Variants in NUP133 observed in about 807,000 individuals in gnomAD.
The protein encoded by NUP133 is nucleoporin 133.
Under a neutral mutation model 146.2 loss-of-function variants are expected in NUP133, and 66 were observed. The observed-to-expected ratio is 0.45, with a 90% CI of 0.37 to 0.55. NUP133 has a LOEUF of 0.55. Ranked by LOEUF, NUP133 falls within the 20% of genes least tolerant of loss-of-function variation. The probability of loss-of-function intolerance (pLI) is 0.00; values close to 1 mark genes in which losing one functional copy is unlikely to be tolerated. For missense variants in NUP133, 1,277 were observed against 1,374.8 expected, an observed-to-expected ratio of 0.93 and a Z score of 1.12; for synonymous variants, 521 against 498.8, an observed-to-expected ratio of 1.04 and a Z score of -0.59.
Position 229,483,758 on chromosome 1 carries a change from G to A in NUP133, c.1592+296C>T, listed in dbSNP as rs542892637. 7.4e-5 allele frequency among the ~76,000 whole-genome samples: 11 copies of A among 148,398 alleles called. No homozygotes were observed. In the East Asian group the frequency reaches 7.9e-4, roughly 11 times the overall value. ...ACTTATTTGCACCTTAACGTTATAC[G>A]TAAAAGACCCTTGCAAGATGTCTTC... On this transcript the variant is annotated intron_variant, in intron 12 of 25. Coordinates refer to ENST00000261396, the MANE Select transcript of NUP133 (RefSeq NM_018230.3).
At chr1:229,503,684 A>G (rs564197429) in intron 2 of NUP133, among the ~76,000 whole-genome samples, 26 of 152,240 alleles carry the variant, frequency 1.7e-4, no homozygotes, top group Non-Finnish European at 2.4e-4. Context: ...TTTTTGCTCA[A>G]CTGAACTATC....
In NUP133 at chr1:229,495,923, G is replaced by A; in HGVS notation, c.944C>T (p.Ala315Val). Residue 315 changes from alanine to valine, a missense_variant, in exon 7 of 26, where the codon GCC (alanine) becomes GTC (valine). Coordinates refer to ENST00000261396, the MANE Select transcript of NUP133 (RefSeq NM_018230.3). Reference sequence around the variant, plus strand: ...AGCATCGGTAATGTTTTCCTTCAGGGCTCTATTTATATCCCAACTGTATGC... The same window carrying A: ...AGCATCGGTAATGTTTTCCTTCAGGACTCTATTTATATCCCAACTGTATGC... ...KHAYSWDINRALKENITDAIW... is the reference protein window; with the variant it reads ...KHAYSWDINRVLKENITDAIW... 6.2e-7 allele frequency: 1 copy of A among 1,602,238 alleles called. No individual in the cohort carries two copies. The highest frequency in any genetic ancestry group is 1.1e-5 in the South Asian group (1 of 88,404).
At chr1:229,462,972 A>G (rs1660726185) in intron 19 of NUP133, among the ~76,000 whole-genome samples, 1 of 152,232 alleles carries the variant, frequency 6.6e-6, no homozygotes, top group Non-Finnish European at 1.5e-5. Context: ...TCTTCTATAC[A>G]ATTTTTAAGA....
At position 229,470,637 on chromosome 1, in the gene NUP133, G is replaced by T. The variant is rs1440427835; in HGVS notation, c.2019C>A (p.Asn673Lys). The T allele has an allele frequency of 3.7e-6, 6 of 1,614,180 alleles. No individual in the cohort carries two copies. The highest frequency in any genetic ancestry group is 5.1e-6 in the Non-Finnish European group (6 of 1,180,044). The change falls in exon 15 of 26, where the codon AAC becomes AAA. Residue 673 changes from asparagine to lysine, a missense_variant. Physicochemically the swap from Asn to Lys is moderately conservative, Grantham distance 94. Coordinates refer to ENST00000261396, the MANE Select transcript of NUP133 (RefSeq NM_018230.3). ...TGGATGGGATTTCATACTCCCTCTT[G>T]TTCAAAGCAATCAATATGGCTGTGT... ...LVNTAILIALNKREYEIPSNL... is the reference protein window; with the variant it reads ...LVNTAILIALKKREYEIPSNL...
intron 22 of NUP133, 136 bp from the exon 23 acceptor site, chr1:229,450,741 T>TG: frequency 1.5e-5 from 7 of 472,044 alleles, no homozygotes; most frequent in East Asian, 3.8e-5. Context: ...GTTTGTTTTT[T>TG]TTGAGACAAA....
chr1:229,488,725 C>A (rs753155946), intron 9 of NUP133, among the ~76,000 whole-genome samples: 1 of 151,736 alleles, frequency 6.6e-6, no homozygotes, highest in African/African-American at 2.4e-5. Context: ...GTGGTGCACA[C>A]CTGTAATCCC....
chr1:229,470,513 C>G, intron 15 of NUP133, 67 bp downstream of exon 15: 1 of 1,306,730 alleles, frequency 7.7e-7, no homozygotes, highest in Non-Finnish European at 1.1e-6. Flanking sequence ...CACCGTCTTT[C>G]CTGCCTAGGG....
chr1:229,468,622 C>T (rs1456465253), intron 15 of NUP133, among the ~76,000 whole-genome samples: 1 of 152,202 alleles, frequency 6.6e-6, no homozygotes, highest in Non-Finnish European at 1.5e-5. Context: ...ATTCAGCTAA[C>T]TGAAACATGT....
chr1:229,462,190 C>A (rs1210471405), intron 19 of NUP133, among the ~76,000 whole-genome samples: 3 of 152,148 alleles, frequency 2.0e-5, no homozygotes, highest in Non-Finnish European at 2.9e-5. Context: ...AGCCCAACAA[C>A]TGATCTTTGA....
At chr1:229,461,379 C>A (rs1660686335) in intron 19 of NUP133, among the ~76,000 whole-genome samples, 1 of 152,154 alleles carries the variant, frequency 6.6e-6, no homozygotes, top group South Asian at 2.1e-4. Flanking sequence ...TACAGTCTCA[C>A]AGTGTTTAAG....
chr1:229,477,727 A>T lies in NUP133; in HGVS notation c.1626T>A (p.Asp542Glu). Residue 542 changes from aspartate (D) to glutamate (E), a missense_variant, in exon 13 of 26, where the codon GAT (aspartate) becomes GAA (glutamate). By Grantham distance (45) the Asp-to-Glu change is conservative. Coordinates refer to ENST00000261396, the MANE Select transcript of NUP133 (RefSeq NM_018230.3). ...KDLGHAQMVV[D>E]ELFSSHSDLD... ...AATCAGAGTGAGAGGAAAAGAGCTC[A>T]TCAACCACCATTTGAGCATGACCTA... 6.2e-7 allele frequency: 1 copy of T among 1,613,952 alleles called. No individual in the cohort carries two copies. Among genetic ancestry groups the T allele is most frequent in the African/African-American group, 1.3e-5 (1 of 75,046 alleles).
intron 12 of NUP133, 86 bp downstream of exon 12, chr1:229,483,968 T>A (rs965182147): frequency 1.6e-4 from 135 of 865,068 alleles, no homozygotes; most frequent in Non-Finnish European, 2.4e-4. Context: ...TCCTCCAACT[T>A]GCTCCCACCA....
In NUP133 at chr1:229,452,569, T is replaced by G; in HGVS notation, c.3055A>C (p.Asn1019His). ...PEQLLAEKQL[N>H]LSAMPVLTAP... is the part of the protein sequence containing the mutation. ...GTCAATACTGGCATCGCACTGAGAT[T>G]TAGCTGTTTCTCCGCCAGCAGCTGT... Residue 1019 changes from asparagine (N) to histidine (H), a missense_variant, in exon 22 of 26, where the codon AAT (asparagine) becomes CAT (histidine). By Grantham distance (68) the Asn-to-His change is moderately conservative. This residue lies in a region of NUP133 where 952 missense variants were observed against 1,047.0 expected (regional missense o/e 0.91). Coordinates refer to ENST00000261396, the MANE Select transcript of NUP133 (RefSeq NM_018230.3). The G allele has an allele frequency of 6.2e-7, 1 of 1,613,998 alleles. No individual in the cohort carries two copies. The highest frequency in any genetic ancestry group is 8.5e-7 in the Non-Finnish European group (1 of 1,179,904).
At position 229,508,140 on chromosome 1, in the gene NUP133, A is replaced by C. The variant is rs1226797727; in HGVS notation, c.110T>G (p.Leu37Arg). 6.3e-7 allele frequency: 1 copy of C among 1,597,164 alleles called. No homozygotes were observed. Among genetic ancestry groups the C allele is most frequent in the Non-Finnish European group, 8.5e-7 (1 of 1,173,346 alleles). Residue 37 changes from leucine to arginine, a missense_variant, in exon 1 of 26, where the codon CTG (leucine) becomes CGG (arginine). This residue lies in a region of NUP133 where 319 missense variants were observed against 306.9 expected (regional missense o/e 1.04). Transcript: ENST00000261396. ...GGAGCTGACTGCAGACCCCAGGGGC[A>C]GACCCTTCCTGCTAGCCGTCCGGGG... is the stretch of plus-strand genomic sequence containing the variant. ...STPRTASRKG[L>R]PLGSAVSSPV... is the part of the protein sequence containing the mutation.
At chr1:229,442,461 G>C (rs1306378332) in intron 25 of NUP133, among the ~76,000 whole-genome samples, 2 of 152,140 alleles carry the variant, frequency 1.3e-5, no homozygotes, top group Middle Eastern at 3.2e-3. Context: ...ATAGGCAAAA[G>C]AATCATTTCT....
chr1:229,450,610 G>C lies in NUP133; in HGVS notation c.3100-5C>G. Reference sequence around the variant, plus strand: ...ATTTTCTTCACAGATATATAGCTATGACAAGTTAAAATAAGGTAGAAGATT... The same window carrying C: ...ATTTTCTTCACAGATATATAGCTATCACAAGTTAAAATAAGGTAGAAGATT... On this transcript the variant is annotated splice_region_variant and splice_polypyrimidine_tract_variant and intron_variant, in intron 22 of 25. Transcript: ENST00000261396. The C allele has an allele frequency of 9.6e-6, 14 of 1,453,850 alleles. No homozygotes were observed. Among genetic ancestry groups the C allele is most frequent in the Non-Finnish European group, 1.3e-5 (14 of 1,051,368 alleles). The allele number at this position is 1,453,850 out of a possible 1,614,324, so 90.1% of individuals were successfully genotyped here.
At position 229,441,520 on chromosome 1, in the gene NUP133, A is replaced by G; in HGVS notation, c.*384T>C. On this transcript the variant is annotated 3_prime_UTR_variant, in exon 26 of 26. Coordinates refer to ENST00000261396, the MANE Select transcript of NUP133 (RefSeq NM_018230.3). ...ATTCTCTTCAGTGCAAAGTATCTGG[A>G]GTCACAGCAATTTTAGAGACAAGCT... The G allele has an allele frequency of 2.0e-6, 1 of 509,570 alleles. No homozygotes were observed. Among genetic ancestry groups the G allele is most frequent in the Admixed American group, 2.1e-5 (1 of 46,970 alleles). The allele number at this position is 509,570 out of a possible 1,614,324, so 31.6% of individuals were successfully genotyped here.
intron 6 of NUP133, 82 bp from the exon 7 acceptor site, chr1:229,496,129 CAT>C: frequency 3.7e-6 from 4 of 1,068,794 alleles, no homozygotes; most frequent in Non-Finnish European, 5.1e-6. Context: ...TCAAATTTCA[CAT>C]ATGTGATTAG....
intron 22 of NUP133, among the ~76,000 whole-genome samples, chr1:229,451,914 T>C (rs537881308): frequency 6.6e-6 from 1 of 152,318 alleles, no homozygotes; most frequent in Admixed American, 6.5e-5. Flanking sequence ...ATTAAATATA[T>C]ATTCTATCAG....
Sources: allele counts gnomAD v4.1 joint callset (sites outside exome capture counted in the v4.1 genomes callset), GRCh38; gene constraint gnomAD v4.1.1; regional missense constraint gnomAD v4.1.1; transcripts MANE v1.5; gene names NCBI Gene and HGNC (gene_info 2026-07-23, HGNC 2026-07-21).